The following BAZ2B variants were observed in gnomAD, a reference collection of about 807,000 sequenced individuals.
The protein encoded by BAZ2B is bromodomain adjacent to zinc finger domain 2B, also known as bromodomain adjacent to zinc finger domain protein 2B.
Under a neutral mutation model 246.0 loss-of-function variants are expected in BAZ2B, and 91 were observed. The ratio of observed to expected loss-of-function variants is 0.37; its 90% CI spans 0.31 to 0.44. The LOEUF (loss-of-function observed/expected upper bound fraction) is 0.44. BAZ2B is among the 20% of genes least tolerant of loss of function. The probability of loss-of-function intolerance (pLI) is 1.00; values close to 1 mark genes in which losing one functional copy is unlikely to be tolerated. For missense variants in BAZ2B, 2,332 were observed against 2,533.7 expected, an observed-to-expected ratio of 0.92 and a Z score of 1.71; for synonymous variants, 855 against 860.0, an observed-to-expected ratio of 0.99 and a Z score of 0.10.
At chr2:159,488,622 G>A (rs2080104741) in intron 2 of BAZ2B, among the ~76,000 whole-genome samples, 1 of 151,916 alleles carries the variant, frequency 6.6e-6, no homozygotes, top group South Asian at 2.1e-4. Context: ...ACTTTTCATT[G>A]GTTTTTTATA....
rs867758216 is a variant in BAZ2B, at chr2:159,544,792, T to G, written c.-3+11031A>C. Among the ~76,000 whole-genome samples, 5 of 152,300 alleles carry G rather than the reference T, an allele frequency of 3.3e-5. 1 individual carries two copies. In the Middle Eastern group the frequency reaches 0.01, roughly 311 times the overall value. ...AAAAGGAAATATGTGGAAAAAAACA[T>G]TCCGACAAAATCGTCAGTATATTTG... On this transcript the variant is annotated intron_variant, in intron 2 of 36. Transcript: ENST00000392783.
chr2:159,678,639 AT>A, the BAZ2B span, among the ~76,000 whole-genome samples: 1 of 152,204 alleles, frequency 6.6e-6, no homozygotes, highest in South Asian at 2.1e-4. Flanking sequence ...TGTCAAAAAA[AT>A]AAACTTACTA....
intron 27 of BAZ2B, among the ~76,000 whole-genome samples, chr2:159,350,643 T>A (rs2058451178): frequency 6.6e-6 from 1 of 152,182 alleles, no homozygotes; most frequent in Admixed American, 6.5e-5. Context: ...TGAATTCAGC[T>A]CACTGCAACC....
intron 2 of BAZ2B, among the ~76,000 whole-genome samples, chr2:159,501,433 T>A (rs1012156989): frequency 6.8e-6 from 1 of 148,108 alleles, no homozygotes; most frequent in Admixed American, 6.8e-5. Context: ...ACTGTGTGTG[T>A]GCGTTTGTGT....
Position 159,374,760 on chromosome 2 carries a change from A to G in BAZ2B, c.4006-7T>C, listed in dbSNP as rs2061237880. The stretch of plus-strand genomic sequence containing the variant: ...CTGCTTGGTCACCTTCATCCTATAC[A>G]TAAGAAAATACAGTGTCATTTATCT... On this transcript the variant is annotated splice_polypyrimidine_tract_variant and splice_region_variant and intron_variant, in intron 25 of 36. Transcript: ENST00000392783. 6.2e-7 allele frequency: 1 copy of G among 1,608,050 alleles called. No homozygotes were observed. Among genetic ancestry groups the G allele is most frequent in the Non-Finnish European group, 8.5e-7 (1 of 1,175,286 alleles).
the BAZ2B span, among the ~76,000 whole-genome samples, chr2:159,627,862 A>C: frequency 6.6e-6 from 1 of 152,232 alleles, no homozygotes; most frequent in Non-Finnish European, 1.5e-5. Context: ...TCAAATAGGA[A>C]AAGAGGAAGT....
chr2:159,379,440 A>G (rs559555029), intron 25 of BAZ2B, among the ~76,000 whole-genome samples: 9 of 152,260 alleles, frequency 5.9e-5, no homozygotes, highest in Non-Finnish European at 1.0e-4. Context: ...ATAGTTACCA[A>G]CAGTGTATAC....
intron 3 of BAZ2B, chr2:159,463,162 A>G (rs1328562591): frequency 3.3e-5 from 20 of 614,824 alleles, no homozygotes; most frequent in Non-Finnish European, 4.0e-5. Context: ...ATCACTGAAT[A>G]CTTCATTAAA....
chr2:159,370,271 T>G (rs542431074), intron 27 of BAZ2B, among the ~76,000 whole-genome samples: 1 of 151,272 alleles, frequency 6.6e-6, no homozygotes, highest in African/African-American at 2.4e-5. Context: ...TATACATATG[T>G]AACAAATCTG....
intron 4 of BAZ2B, among the ~76,000 whole-genome samples, chr2:159,451,717 G>T (rs2075121612): frequency 6.6e-6 from 1 of 152,218 alleles, no homozygotes; most frequent in Non-Finnish European, 1.5e-5. Flanking sequence ...TACCTTAAAT[G>T]AATAAGTGAA....
Position 159,324,934 on chromosome 2 carries a change from T to C in BAZ2B, c.6230A>G (p.Glu2077Gly). 2 of 1,545,254 alleles carry C rather than the reference T, an allele frequency of 1.3e-6. No homozygotes were observed. Among genetic ancestry groups the C allele is most frequent in the Non-Finnish European group, 1.7e-6 (2 of 1,156,060 alleles). The change falls in exon 36 of 37, where the codon GAA becomes GGA. Residue 2077 changes from glutamate (E) to glycine (G), a missense_variant. This residue lies in a region of BAZ2B where 210 missense variants were observed against 232.5 expected (regional missense o/e 0.90). Coordinates refer to ENST00000392783, the MANE Select transcript of BAZ2B (RefSeq NM_013450.4). ...AAAAGGCCATGCATCCTCATGAGTT[T>C]CCATTTCAGTCAGAATCATACTAAA... ...ALCSMILTEM[E>G]THEDAWPFLL...
chr2:159,345,003 A>G (rs2067521261), intron 31 of BAZ2B, among the ~76,000 whole-genome samples: 1 of 152,080 alleles, frequency 6.6e-6, no homozygotes, highest in Non-Finnish European at 1.5e-5. Flanking sequence ...TGAGGTCGGG[A>G]GTTTGAGACC....
At chr2:159,527,204 C>T (rs538551571) in intron 2 of BAZ2B, among the ~76,000 whole-genome samples, 8 of 152,208 alleles carry the variant, frequency 5.3e-5, no homozygotes, top group East Asian at 1.9e-4. Flanking sequence ...ATTTCTCTGA[C>T]GGCTAGTGAT....
rs781214900 is a variant in BAZ2B, at chr2:159,349,019, G to A, written c.5125C>T (p.Pro1709Ser). Reference protein sequence around the residue: ...AKPVDFPSPKPIPEEMQFGWW... With the variant: ...AKPVDFPSPKSIPEEMQFGWW... ...TCAATGTACCTACCTTCTGGAATAG[G>A]TTTTGGACTAGGAAAATCTACTGGT... Residue 1709 changes from proline (P) to serine (S), a missense_variant, in exon 29 of 37, where the codon CCT (proline) becomes TCT (serine). By Grantham distance (74) the Pro-to-Ser change is moderately conservative. Coordinates refer to ENST00000392783, the MANE Select transcript of BAZ2B (RefSeq NM_013450.4). 24 of 1,613,888 alleles carry A rather than the reference G, an allele frequency of 1.5e-5. No homozygotes were observed. The highest frequency in any genetic ancestry group is 2.2e-5 in the South Asian group (2 of 91,072).
In BAZ2B at chr2:159,455,805, C is replaced by T. The variant is rs372492230; in HGVS notation, c.146-2004G>A. ...TTTTTTTTTGGCAAATTCTCAGAAACCCAGCTAGTTTCTCAAAAAAATGAG... is the reference window on the plus strand; with the variant it reads ...TTTTTTTTTGGCAAATTCTCAGAAATCCAGCTAGTTTCTCAAAAAAATGAG... On this transcript the variant is annotated intron_variant, in intron 3 of 36. Coordinates refer to ENST00000392783, the MANE Select transcript of BAZ2B (RefSeq NM_013450.4). 8.7e-5 allele frequency among the ~76,000 whole-genome samples: 8 copies of T among 91,832 alleles called. No homozygotes were observed. In the South Asian group the frequency reaches 2.4e-3, roughly 27 times the overall value. The allele number at this position is 91,832 out of a possible 152,430, so 60.2% of individuals were successfully genotyped here.
At chr2:159,667,560 C>A in the BAZ2B span, among the ~76,000 whole-genome samples, 1 of 151,688 alleles carries the variant, frequency 6.6e-6, no homozygotes, top group Non-Finnish European at 1.5e-5. Flanking sequence ...TGTGCCACTG[C>A]ACTGCAGCCT....
Position 159,386,514 on chromosome 2 carries a change from C to T in BAZ2B, c.3310G>A (p.Gly1104Ser), listed in dbSNP as rs775961897. 1.9e-6 allele frequency: 3 copies of T among 1,613,472 alleles called. No homozygotes were observed. The highest frequency in any genetic ancestry group is 2.5e-6 in the Non-Finnish European group (3 of 1,179,728). The change falls in exon 22 of 37, where the codon GGT becomes AGT. Residue 1104 changes from glycine (G) to serine (S), a missense_variant. Around this residue, in one of 9 missense-constraint regions of BAZ2B, gnomAD observed 328 missense variants for 410.4 expected, o/e 0.80. Coordinates refer to ENST00000392783, the MANE Select transcript of BAZ2B (RefSeq NM_013450.4). ...TTCACATCAAAGCCCAAAACTTTAC[C>T]AAAGTTTCGTAAGAACTGCACCACC... is the stretch of plus-strand genomic sequence containing the variant. ...LMVVQFLRNF[G>S]KVLGFDVNID... is the part of the protein sequence containing the mutation.
chr2:159,692,333 T>C, the BAZ2B span, among the ~76,000 whole-genome samples: 4 of 152,002 alleles, frequency 2.6e-5, no homozygotes, highest in African/African-American at 7.2e-5. Context: ...ATTTTTTGTA[T>C]TTTTAGTAGA....
At chr2:159,422,785 G>T (rs2068996074) in intron 13 of BAZ2B, among the ~76,000 whole-genome samples, 1 of 152,038 alleles carries the variant, frequency 6.6e-6, no homozygotes, top group Non-Finnish European at 1.5e-5. Flanking sequence ...CCTACAGAAT[G>T]GGAGCAAATA....
Sources: allele counts gnomAD v4.1 joint callset (sites outside exome capture counted in the v4.1 genomes callset), GRCh38; gene constraint gnomAD v4.1.1; regional missense constraint gnomAD v4.1.1; transcripts MANE v1.5; gene names NCBI Gene and HGNC (gene_info 2026-07-23, HGNC 2026-07-21).